Variants in ATAD1 observed in about 807,000 individuals in gnomAD.
The protein encoded by ATAD1 is outer mitochondrial transmembrane helix translocase.
A neutral mutation model predicts 42.7 loss-of-function variants in ATAD1; 18 were observed. The ratio of observed to expected loss-of-function variants is 0.42; its 90% CI spans 0.29 to 0.63. ATAD1 has a LOEUF of 0.63. ATAD1 is among the 20% of genes least tolerant of loss of function. The pLI is 0.19. For synonymous variants in ATAD1, 132 were observed against 143.1 expected, an observed-to-expected ratio of 0.92 and a Z score of 0.55; for missense variants, 294 against 440.4, an observed-to-expected ratio of 0.67 and a Z score of 2.98.
intron 1 of ATAD1, among the ~76,000 whole-genome samples, chr10:87,838,746 C>T (rs1042439006): frequency 1.3e-5 from 2 of 152,098 alleles, no homozygotes; most frequent in Non-Finnish European, 2.9e-5. Flanking sequence ...TTCTCTCTCT[C>T]TCTCTCTCTC....
At chr10:87,771,943 C>T (rs2131819903) in intron 6 of ATAD1, among the ~76,000 whole-genome samples, 1 of 152,112 alleles carries the variant, frequency 6.6e-6, no homozygotes, top group South Asian at 2.1e-4. Flanking sequence ...CTAACATTAC[C>T]TTATTTCTCC....
At chr10:87,834,160 A>G (rs1045765749) in intron 1 of ATAD1, among the ~76,000 whole-genome samples, 2 of 152,200 alleles carry the variant, frequency 1.3e-5, no homozygotes, top group Non-Finnish European at 2.9e-5. Flanking sequence ...GGCATGGTGT[A>G]TAATATTTTT....
At chr10:87,840,071 A>C (rs1044220834) in intron 1 of ATAD1, among the ~76,000 whole-genome samples, 1 of 152,226 alleles carries the variant, frequency 6.6e-6, no homozygotes, top group Non-Finnish European at 1.5e-5. Context: ...CTCCCACACT[A>C]TAATTTTACT....
chr10:87,808,047 C>T (rs185569312), intron 2 of ATAD1, among the ~76,000 whole-genome samples: 9 of 152,158 alleles, frequency 5.9e-5, no homozygotes, highest in Non-Finnish European at 1.3e-4. Context: ...CTATATAATG[C>T]TTTTTTTAAA....
chr10:87,817,690 C>A, intron 1 of ATAD1: 1 of 974,428 alleles, frequency 1.0e-6, no homozygotes. Context: ...ACAAAGAGGG[C>A]AGGTTATTAT....
At position 87,755,896 on chromosome 10, in the gene ATAD1, C is replaced by T. The variant is rs116841569; in HGVS notation, c.965+893G>A. 5.0e-3 allele frequency among the ~76,000 whole-genome samples: 762 copies of T among 152,002 alleles called. 7 individuals carry two copies. The highest frequency in any genetic ancestry group is 7.7e-3 in the South Asian group (37 of 4,814). ...CAGCCTGGGCAAAAGAGCGAAACTC[C>T]GTCTCAAAAAAAAGAATAAAACCTT... On this transcript the variant is annotated intron_variant, in intron 9 of 9. Transcript: ENST00000680024.
intron 4 of ATAD1, among the ~76,000 whole-genome samples, chr10:87,790,018 T>C (rs1856020588): frequency 6.6e-6 from 1 of 152,228 alleles, no homozygotes; most frequent in South Asian, 2.1e-4. Context: ...ACTTGTATTA[T>C]GACTTTGAAT....
chr10:87,820,498 C>T (rs572301538), upstream of ATAD1, among the ~76,000 whole-genome samples: 12 of 152,266 alleles, frequency 7.9e-5, no homozygotes, highest in Admixed American at 3.3e-4. Flanking sequence ...AATCATGAGT[C>T]ACTCTACTAG....
At chr10:87,775,336 G>A (rs1041833284) in intron 6 of ATAD1, among the ~76,000 whole-genome samples, 3 of 144,872 alleles carry the variant, frequency 2.1e-5, no homozygotes, top group African/African-American at 5.2e-5. Context: ...CAGGAGAATC[G>A]CTTGAACCCG....
intron 1 of ATAD1, among the ~76,000 whole-genome samples, chr10:87,834,176 C>T (rs1857889074): frequency 1.3e-5 from 2 of 152,064 alleles, no homozygotes; most frequent in Non-Finnish European, 2.9e-5. Context: ...TTTTTATATA[C>T]TGATGGATTC....
intron 6 of ATAD1, among the ~76,000 whole-genome samples, chr10:87,774,569 A>C (rs1855199625): frequency 6.6e-6 from 1 of 152,218 alleles, no homozygotes; most frequent in Non-Finnish European, 1.5e-5. Flanking sequence ...AGATAGTAGA[A>C]GAGCTTCAAA....
intron 1 of ATAD1, among the ~76,000 whole-genome samples, chr10:87,825,956 GAT>G (rs1350546786): frequency 1.3e-5 from 2 of 152,148 alleles, no homozygotes; most frequent in Non-Finnish European, 2.9e-5. Context: ...CAGAAGAAAT[GAT>G]ATATCCTGTC....
chr10:87,793,954 G>T (rs1238007707), intron 2 of ATAD1, among the ~76,000 whole-genome samples: 1 of 152,070 alleles, frequency 6.6e-6, no homozygotes, highest in Non-Finnish European at 1.5e-5. Flanking sequence ...AGTACTATGG[G>T]GGCCAGGAAT....
intron 6 of ATAD1, among the ~76,000 whole-genome samples, chr10:87,773,152 TTAAAA>T (rs1564747490): frequency 6.6e-6 from 1 of 152,054 alleles, no homozygotes; most frequent in African/African-American, 2.4e-5. Flanking sequence ...ACCCCTGAAT[TTAAAA>T]TAAAAGTTTA....
intron 9 of ATAD1, 35 bp downstream of exon 9, chr10:87,756,754 T>C: frequency 6.6e-7 from 1 of 1,510,138 alleles, no homozygotes; most frequent in East Asian, 2.4e-5. Context: ...TAAAAGATTT[T>C]GACAAGTGTT....
intron 1 of ATAD1, among the ~76,000 whole-genome samples, chr10:87,833,723 T>C (rs1857877868): frequency 3.1e-5 from 4 of 127,168 alleles, no homozygotes; most frequent in Non-Finnish European, 4.9e-5. Context: ...TCTTTCTTTC[T>C]TTCCTTTTTT....
intron 1 of ATAD1, among the ~76,000 whole-genome samples, chr10:87,839,845 T>C (rs955487499): frequency 1.3e-5 from 2 of 152,032 alleles, no homozygotes; most frequent in African/African-American, 4.8e-5. Flanking sequence ...CTGCTGATCT[T>C]TATCCTCTTT....
chr10:87,820,863 T>C (rs746446126), upstream of ATAD1, among the ~76,000 whole-genome samples: 3 of 152,164 alleles, frequency 2.0e-5, no homozygotes, highest in African/African-American at 4.8e-5. Flanking sequence ...AGTGAACATA[T>C]GCTTTTCATT....
At chr10:87,818,292 C>G, upstream of ATAD1, 1 of 983,380 alleles carries the variant, frequency 1.0e-6, no homozygotes, top group Admixed American at 6.1e-5. Flanking sequence ...ATGCGCGACC[C>G]GCGGTCGCCG....
Sources: gnomAD v4.1 joint callset for allele counts (sites outside exome capture counted in the v4.1 genomes callset) on GRCh38, gnomAD v4.1.1 for gene constraint, MANE v1.5 for transcripts, NCBI Gene and HGNC (gene_info 2026-07-23, HGNC 2026-07-21) for gene names.